The following GRID1 variants were observed in gnomAD, a reference collection of about 807,000 sequenced individuals.
GRID1 encodes glutamate receptor ionotropic, delta-1.
Under a neutral mutation model 98.0 loss-of-function variants are expected in GRID1, and 28 were observed. The ratio of observed to expected loss-of-function variants is 0.29; its 90% CI spans 0.21 to 0.39. GRID1 has a LOEUF of 0.39. GRID1 is among the 10% of genes least tolerant of loss of function. The probability of loss-of-function intolerance (pLI) is 1.00; values close to 1 mark genes in which losing one functional copy is unlikely to be tolerated. For missense variants in GRID1, 1,111 were observed against 1,340.5 expected, an observed-to-expected ratio of 0.83 and a Z score of 2.67; for synonymous variants, 553 against 538.5, an observed-to-expected ratio of 1.03 and a Z score of -0.37.
intron 4 of GRID1, among the ~76,000 whole-genome samples, chr10:85,984,555 G>A (rs1447791348): frequency 6.6e-6 from 1 of 152,206 alleles, no homozygotes; most frequent in Non-Finnish European, 1.5e-5. Context: ...TGGGAGAGGT[G>A]GGCAGGAAAC....
chr10:85,611,673 C>G (rs1193013350), intron 15 of GRID1, among the ~76,000 whole-genome samples: 1 of 152,198 alleles, frequency 6.6e-6, no homozygotes, highest in Admixed American at 6.5e-5. Flanking sequence ...CACCCCATCA[C>G]AGCTGCCTAC....
chr10:86,268,521 G>A (rs1847139084), intron 2 of GRID1, among the ~76,000 whole-genome samples: 2 of 152,216 alleles, frequency 1.3e-5, no homozygotes, highest in Non-Finnish European at 1.5e-5. Flanking sequence ...CATGCAAGGC[G>A]TGAGAGAACC....
chr10:85,876,331 G>C (rs780703427), intron 5 of GRID1, among the ~76,000 whole-genome samples: 5 of 151,734 alleles, frequency 3.3e-5, no homozygotes, highest in Admixed American at 6.6e-5. Flanking sequence ...GCATTCCCTG[G>C]CTTGTAGCTG....
chr10:85,891,745 C>A (rs1458164677), intron 5 of GRID1, among the ~76,000 whole-genome samples: 1 of 151,880 alleles, frequency 6.6e-6, no homozygotes, highest in Admixed American at 6.6e-5. Flanking sequence ...CAGCTGTGTC[C>A]CAAGGAGGGA....
chr10:85,863,088 G>A (rs371661140), intron 6 of GRID1, among the ~76,000 whole-genome samples: 1 of 152,324 alleles, frequency 6.6e-6, no homozygotes, highest in East Asian at 1.9e-4. Context: ...CTGAGGAGAC[G>A]CGAAGGCTGC....
At chr10:85,917,706 G>A (rs1841640676) in intron 4 of GRID1, among the ~76,000 whole-genome samples, 1 of 152,258 alleles carries the variant, frequency 6.6e-6, no homozygotes, top group African/African-American at 2.4e-5. Flanking sequence ...GTCATGCACA[G>A]GGTGCATCTC....
At chr10:86,357,108 G>A (rs1173381081) in intron 2 of GRID1, among the ~76,000 whole-genome samples, 1 of 152,202 alleles carries the variant, frequency 6.6e-6, no homozygotes, top group African/African-American at 2.4e-5. Flanking sequence ...AGAAACAAAA[G>A]GGGCCACCTC....
At chr10:85,673,261 T>C (rs370382550) in intron 12 of GRID1, among the ~76,000 whole-genome samples, 1 of 152,220 alleles carries the variant, frequency 6.6e-6, no homozygotes, top group Non-Finnish European at 1.5e-5. Flanking sequence ...CTTCTTGAGA[T>C]AGAATATACT....
At chr10:86,148,644 G>C (rs1194281331) in intron 3 of GRID1, among the ~76,000 whole-genome samples, 1 of 152,124 alleles carries the variant, frequency 6.6e-6, no homozygotes, top group East Asian at 1.9e-4. Context: ...AAGCATGTGA[G>C]ATAATGCATA....
intron 2 of GRID1, among the ~76,000 whole-genome samples, chr10:86,283,454 G>T (rs1001614495): frequency 6.6e-6 from 1 of 152,146 alleles, no homozygotes; most frequent in Non-Finnish European, 1.5e-5. Context: ...TAGTGAAACT[G>T]TCCTGCTAGA....
At chr10:85,671,535 C>A (rs929423521) in intron 12 of GRID1, among the ~76,000 whole-genome samples, 16 of 151,922 alleles carry the variant, frequency 1.1e-4, no homozygotes, top group Admixed American at 9.8e-4. Flanking sequence ...CACTGACCAG[C>A]CGTTCCCTCA....
rs531835957 is a variant in GRID1 at position 85,752,432 on chromosome 10, A to G, written c.1234-22818T>C. The stretch of plus-strand genomic sequence containing the variant: ...ATACGACTGCTTATTTACAAATGAT[A>G]TACATATATATACTAACATATTGTG... On this transcript the variant is annotated intron_variant, in intron 8 of 15. Coordinates refer to ENST00000327946, the MANE Select transcript of GRID1 (RefSeq NM_017551.3). Among the ~76,000 whole-genome samples, 299 of 152,316 alleles carry G rather than the reference A, an allele frequency of 2.0e-3. 2 individuals carry two copies. Among genetic ancestry groups the G allele is most frequent in the Non-Finnish European group, 3.3e-3 (224 of 68,026 alleles).
At chr10:86,184,459 T>TTG (rs1158342567) in intron 3 of GRID1, among the ~76,000 whole-genome samples, 3 of 131,988 alleles carry the variant, frequency 2.3e-5, no homozygotes, top group African/African-American at 9.0e-5. Flanking sequence ...TATTTCTTTT[T>TTG]TCTTTTTTTT....
At chr10:85,881,537 T>A (rs1294914484) in intron 5 of GRID1, among the ~76,000 whole-genome samples, 1 of 152,212 alleles carries the variant, frequency 6.6e-6, no homozygotes, top group African/African-American at 2.4e-5. Context: ...GATTCCCTAT[T>A]TAATAAATGG....
intron 4 of GRID1, among the ~76,000 whole-genome samples, chr10:85,961,634 G>C (rs896823887): frequency 7.1e-6 from 1 of 141,012 alleles, no homozygotes; most frequent in Admixed American, 7.2e-5. Context: ...CCTTTCATCT[G>C]TTTTTCTCTC....
intron 8 of GRID1, among the ~76,000 whole-genome samples, chr10:85,758,591 G>A (rs551456385): frequency 1.8e-4 from 27 of 152,324 alleles, no homozygotes; most frequent in African/African-American, 6.0e-4. Flanking sequence ...CATAAGCACT[G>A]TCTCATAGTG....
At chr10:85,982,212 G>T (rs1230323964) in intron 4 of GRID1, among the ~76,000 whole-genome samples, 1 of 149,232 alleles carries the variant, frequency 6.7e-6, no homozygotes, top group Non-Finnish European at 1.5e-5. Flanking sequence ...AAAAAAAATT[G>T]GGTAAACTAT....
intron 4 of GRID1, among the ~76,000 whole-genome samples, chr10:85,936,934 T>A (rs1317742432): frequency 6.6e-6 from 1 of 152,222 alleles, no homozygotes; most frequent in African/African-American, 2.4e-5. Flanking sequence ...TAAATTAAAA[T>A]AATGCTTTTG....
intron 8 of GRID1, among the ~76,000 whole-genome samples, chr10:85,740,357 T>C (rs1044323702): frequency 5.3e-5 from 8 of 152,228 alleles, no homozygotes; most frequent in Admixed American, 1.3e-4. Context: ...ATGCTCAGGC[T>C]CATACTAGCA....
Sources: allele counts gnomAD v4.1 joint callset (sites outside exome capture counted in the v4.1 genomes callset), GRCh38; gene constraint gnomAD v4.1.1; transcripts MANE v1.5; gene names NCBI Gene and HGNC (gene_info 2026-07-23, HGNC 2026-07-21).